Variants in TSPAN18 observed in about 807,000 individuals in gnomAD.
TSPAN18 encodes tetraspanin-18.
Under a neutral mutation model 27.3 loss-of-function variants are expected in TSPAN18, and 14 were observed. The ratio of observed to expected loss-of-function variants is 0.51; its 90% CI spans 0.34 to 0.80. TSPAN18 has a LOEUF of 0.80. Among genes scored for constraint, TSPAN18 ranks in the 30% least tolerant of loss-of-function variants. The pLI is 0.01. For missense variants in TSPAN18, 268 were observed against 323.9 expected (o/e 0.83, Z 1.32); for synonymous variants, 143 against 136.5 (o/e 1.05, Z -0.33).
chr11:44,884,880 C>T (rs1453001), intron 3 of TSPAN18, among the ~76,000 whole-genome samples: 40,608 of 152,164 alleles, frequency 0.27, 6,032 homozygotes, highest in Middle Eastern at 0.35. Flanking sequence ...GAGGGAAAAA[C>T]ATTCACTGAG....
intron 2 of TSPAN18, among the ~76,000 whole-genome samples, chr11:44,786,901 G>A (rs536503776): frequency 1.3e-5 from 2 of 152,160 alleles, no homozygotes; most frequent in South Asian, 4.1e-4. Context: ...CAAAGTGCTA[G>A]GATTACAGGC....
rs1430670083 is a variant in TSPAN18, at chr11:44,790,176, T to TGTGCGCATGTGTGTGC, written c.-153+25672_-153+25673insGTGTGTGCGTGCGCAT. Among the ~76,000 whole-genome samples the TGTGCGCATGTGTGTGC allele has an allele frequency of 4.8e-4, 73 of 151,750 alleles. 1 individual carries two copies. Among genetic ancestry groups the TGTGCGCATGTGTGTGC allele is most frequent in the Admixed American group, 2.9e-3 (44 of 15,224 alleles). On this transcript the variant is annotated intron_variant, in intron 2 of 9. Transcript: ENST00000520358. ...GCATGTGTGTGTGTGCATGTGTGTG[T>TGTGCGCATGTGTGTGC]GTGCGCATATGTGTGTGTGCATGTG...
At chr11:44,815,733 G>A (rs1856806632) in intron 2 of TSPAN18, among the ~76,000 whole-genome samples, 2 of 152,186 alleles carry the variant, frequency 1.3e-5, no homozygotes, top group African/African-American at 2.4e-5. Flanking sequence ...GAGGAGTAGG[G>A]AGGGTGCGGG....
At chr11:44,862,992 C>G (rs74913989) in intron 3 of TSPAN18, among the ~76,000 whole-genome samples, 1 of 152,132 alleles carries the variant, frequency 6.6e-6, no homozygotes, top group South Asian at 2.1e-4. Context: ...CCCAGGCATT[C>G]GTCATTCATT....
chr11:44,903,806 G>GT (rs200807307), intron 3 of TSPAN18: 4 of 409,808 alleles, frequency 9.8e-6, no homozygotes, highest in Non-Finnish European at 2.0e-5. Context: ...AAGCTGGATT[G>GT]CCTGGGTTCC....
intron 3 of TSPAN18, among the ~76,000 whole-genome samples, chr11:44,879,092 T>C (rs891871531): frequency 2.0e-5 from 3 of 152,264 alleles, no homozygotes; most frequent in African/African-American, 7.2e-5. Flanking sequence ...TCTTAATAAC[T>C]TTTGAACAAG....
intron 1 of TSPAN18, among the ~76,000 whole-genome samples, chr11:44,760,525 A>G (rs748640213): frequency 2.0e-5 from 3 of 152,218 alleles, no homozygotes; most frequent in African/African-American, 4.8e-5. Flanking sequence ...GCTATTGTGT[A>G]TGTATGTTAT....
chr11:44,881,942 AT>A (rs1413985828), intron 3 of TSPAN18, among the ~76,000 whole-genome samples: 1 of 152,328 alleles, frequency 6.6e-6, no homozygotes, highest in Middle Eastern at 3.4e-3. Flanking sequence ...TGCTGTTGGA[AT>A]TATACCTTGG....
At chr11:44,919,770 G>A in intron 7 of TSPAN18, 47 bp from the exon 8 acceptor site, 1 of 1,591,136 alleles carries the variant, frequency 6.3e-7, no homozygotes, top group Non-Finnish European at 8.6e-7. Context: ...CCCCGCCCCT[G>A]TGTCCTCCTC....
intron 1 of TSPAN18, among the ~76,000 whole-genome samples, chr11:44,755,046 T>C (rs1291667956): frequency 6.6e-6 from 1 of 152,030 alleles, no homozygotes; most frequent in Admixed American, 6.6e-5. Flanking sequence ...ATGGGAGGCG[T>C]GAGGGGAAAT....
At chr11:44,773,914 C>T (rs1200833541) in intron 2 of TSPAN18, among the ~76,000 whole-genome samples, 1 of 152,200 alleles carries the variant, frequency 6.6e-6, no homozygotes, top group African/African-American at 2.4e-5. Flanking sequence ...GAGCTGGGCA[C>T]TAAAAGCTTC....
At chr11:44,898,056 A>G (rs1357792284) in intron 3 of TSPAN18, among the ~76,000 whole-genome samples, 4 of 152,232 alleles carry the variant, frequency 2.6e-5, no homozygotes, top group Non-Finnish European at 5.9e-5. Context: ...TCATCCAGAT[A>G]TATAATTGAG....
intron 8 of TSPAN18, among the ~76,000 whole-genome samples, chr11:44,922,447 G>A (rs969478866): frequency 4.6e-5 from 7 of 152,106 alleles, no homozygotes; most frequent in African/African-American, 1.7e-4. Flanking sequence ...TTGCTGGCAG[G>A]CCCATGGCAA....
chr11:44,883,629 G>T (rs767374996), intron 3 of TSPAN18, among the ~76,000 whole-genome samples: 9 of 152,216 alleles, frequency 5.9e-5, no homozygotes, highest in Non-Finnish European at 1.3e-4. Context: ...CCCAAGGCAG[G>T]CAAGTAACTT....
intron 2 of TSPAN18, among the ~76,000 whole-genome samples, chr11:44,811,445 G>A (rs1489328710): frequency 7.0e-6 from 1 of 142,190 alleles, no homozygotes; most frequent in Non-Finnish European, 1.5e-5. Context: ...TTGATGACAT[G>A]TACCACATTT....
At chr11:44,817,410 A>G (rs1856838126) in intron 2 of TSPAN18, among the ~76,000 whole-genome samples, 2 of 152,330 alleles carry the variant, frequency 1.3e-5, no homozygotes, top group South Asian at 4.1e-4. Flanking sequence ...TTTCGGCTCC[A>G]GGCTTGGCTG....
chr11:44,890,188 T>G (rs1271983585), intron 3 of TSPAN18, among the ~76,000 whole-genome samples: 1 of 152,208 alleles, frequency 6.6e-6, no homozygotes, highest in Non-Finnish European at 1.5e-5. Context: ...CTAAGACAGA[T>G]GAGGTGAGCC....
intron 5 of TSPAN18, among the ~76,000 whole-genome samples, chr11:44,914,425 C>A (rs375294981): frequency 6.6e-6 from 1 of 152,338 alleles, no homozygotes; most frequent in South Asian, 2.1e-4. Context: ...AATCATACTT[C>A]CTTCCCAGCC....
chr11:44,807,691 C>T (rs1856631326), intron 2 of TSPAN18, among the ~76,000 whole-genome samples: 1 of 152,094 alleles, frequency 6.6e-6, no homozygotes, highest in Admixed American at 6.5e-5. Flanking sequence ...GGATTAGAGA[C>T]TTTGGCATTG....
Sources: gnomAD v4.1 joint callset for allele counts (sites outside exome capture counted in the v4.1 genomes callset) on GRCh38, gnomAD v4.1.1 for gene constraint, MANE v1.5 for transcripts, NCBI Gene and HGNC (gene_info 2026-07-23, HGNC 2026-07-21) for gene names.